Variants in S100A5 observed in about 807,000 individuals in gnomAD.
The protein encoded by S100A5 is protein S100-A5.
In S100A5, 5 loss-of-function variants were observed where a neutral mutation model predicts 6.7. That is an observed-to-expected ratio of 0.75 (90% CI 0.39 to 1.57). The LOEUF (loss-of-function observed/expected upper bound fraction) is 1.57. Ranked by LOEUF, S100A5 falls within the 40% of genes most tolerant of loss-of-function variation. The probability of loss-of-function intolerance (pLI) is 0.03; values close to 1 mark genes in which losing one functional copy is unlikely to be tolerated. For synonymous variants in S100A5, 49 were observed against 44.9 expected (o/e 1.09, Z -0.37); for missense variants, 129 against 110.8 (o/e 1.16, Z -0.74).
chr1:153,541,510 G>C, upstream of S100A5: 4 of 1,353,158 alleles, frequency 3.0e-6, no homozygotes, highest in Non-Finnish European at 3.9e-6. Flanking sequence ...ATGAGAAGTT[G>C]TTGGGGACTT....
upstream of S100A5, chr1:153,541,988 C>T (rs1665404932): frequency 1.4e-6 from 1 of 725,232 alleles, no homozygotes; most frequent in Non-Finnish European, 1.7e-6. Context: ...GGCCTCACTG[C>T]TCTTCACAGG....
intron 1 of S100A5, 114 bp from the exon 2 acceptor site, chr1:153,540,319 G>T: frequency 9.4e-7 from 1 of 1,059,854 alleles, no homozygotes; most frequent in Non-Finnish European, 1.4e-6. Context: ...GGATGAGACT[G>T]AAATCCACTA....
Position 153,540,172 on chromosome 1 carries a change from T to C in S100A5, c.20A>G (p.Lys7Arg). 1 of 1,614,154 alleles carries C rather than the reference T, an allele frequency of 6.2e-7. No individual in the cohort carries two copies. Among genetic ancestry groups the C allele is most frequent in the Non-Finnish European group, 8.5e-7 (1 of 1,180,022 alleles). ...CGTGGTCACCATAGTGGTCAGGGCC[T>C]TCTCCAGAGGAGTCTCCATCACAGT... is the stretch of plus-strand genomic sequence containing the variant. METPLEKALTTMVTTFH... is the reference protein window; with the variant it reads METPLERALTTMVTTFH... The change falls in exon 2 of 3, where the codon AAG becomes AGG. Residue 7 changes from lysine to arginine, a missense_variant. Coordinates refer to ENST00000368717, the MANE Select transcript of S100A5 (RefSeq NM_001394232.1).
upstream of S100A5, chr1:153,541,399 G>A (rs1665383293): frequency 7.3e-7 from 1 of 1,367,726 alleles, no homozygotes; most frequent in Non-Finnish European, 9.8e-7. Context: ...GTGGGAGTGA[G>A]CCCAGAGAAT....
upstream of S100A5, chr1:153,541,710 T>C: frequency 8.7e-7 from 1 of 1,145,672 alleles, no homozygotes; most frequent in Non-Finnish European, 1.1e-6. Context: ...GATGGAACAA[T>C]AAGCCGAAGA....
intron 1 of S100A5, among the ~76,000 whole-genome samples, 179 bp downstream of exon 1, chr1:153,540,442 C>T (rs1665349229): frequency 6.6e-6 from 1 of 152,192 alleles, no homozygotes; most frequent in Admixed American, 6.5e-5. Flanking sequence ...GACTCTCCTG[C>T]TGGGGAGTTG....
chr1:153,537,265 G>A lies in S100A5; in HGVS notation c.*31C>T. The A allele has an allele frequency of 1.9e-6, 3 of 1,603,606 alleles. No individual in the cohort carries two copies. The highest frequency in any genetic ancestry group is 2.6e-6 in the Non-Finnish European group (3 of 1,171,662). On this transcript the variant is annotated 3_prime_UTR_variant, in exon 3 of 3. Coordinates refer to ENST00000368717, the MANE Select transcript of S100A5 (RefSeq NM_001394232.1). ...GGAGCAGCCGAGGTCAGCAGCAAAG[G>A]GTGGAGGGTGAGGGTGGAGGGCAGC...
At chr1:153,540,370 C>A (rs1163750093) in intron 1 of S100A5, among the ~76,000 whole-genome samples, 165 bp from the exon 2 acceptor site, 1 of 152,168 alleles carries the variant, frequency 6.6e-6, no homozygotes, top group African/African-American at 2.4e-5. Context: ...TACAATGAGA[C>A]CCACAACAAA....
In S100A5 at chr1:153,540,133, G is replaced by A. The variant is rs532923942; in HGVS notation, c.59C>T (p.Ser20Leu). 32 of 1,614,092 alleles carry A rather than the reference G, an allele frequency of 2.0e-5. No individual in the cohort carries two copies. In the Admixed American group the frequency reaches 2.2e-4, roughly 11 times the overall value. Residue 20 changes from serine to leucine, a missense_variant, in exon 2 of 3, where the codon TCG (serine) becomes TTG (leucine). Transcript: ENST00000368717. ...TTMVTTFHKY[S>L]GREGSKLTLS... ...GGTCAGTTTGCTACCCTCTCTCCCC[G>A]AATATTTGTGAAACGTGGTCACCAT...
chr1:153,543,634 A>T, upstream of S100A5: 4 of 973,714 alleles, frequency 4.1e-6, no homozygotes, highest in South Asian at 6.4e-5. Context: ...ACTTCCAAGA[A>T]TCTTTATTGA....
chr1:153,537,993 GTA>G (rs2101682142), intron 2 of S100A5, among the ~76,000 whole-genome samples: 1 of 151,874 alleles, frequency 6.6e-6, no homozygotes, highest in East Asian at 1.9e-4. Context: ...GTTGCAGTAA[GTA>G]AGATCATGCC....
upstream of S100A5, chr1:153,541,265 C>G: frequency 1.4e-6 from 1 of 719,824 alleles, no homozygotes; most frequent in South Asian, 1.4e-5. Flanking sequence ...TCTCCCTGAG[C>G]GCATGCCCGC....
At chr1:153,541,120 A>G (rs1665370678), upstream of S100A5, among the ~76,000 whole-genome samples, 1 of 152,050 alleles carries the variant, frequency 6.6e-6, no homozygotes, top group African/African-American at 2.4e-5. Flanking sequence ...AGCCTCTCCC[A>G]CCTCAAGGAG....
chr1:153,538,940 G>A (rs1305023959), intron 2 of S100A5, among the ~76,000 whole-genome samples: 1 of 152,048 alleles, frequency 6.6e-6, no homozygotes, highest in African/African-American at 2.4e-5. Context: ...AACAGCCTGG[G>A]TAAAATAGTG....
upstream of S100A5, among the ~76,000 whole-genome samples, chr1:153,542,882 C>T (rs1403408001): frequency 6.6e-6 from 1 of 152,208 alleles, no homozygotes; most frequent in Non-Finnish European, 1.5e-5. Flanking sequence ...ACTCCAGCCA[C>T]TGACCCCCAC....
upstream of S100A5, among the ~76,000 whole-genome samples, chr1:153,542,814 A>G (rs1340112437): frequency 6.6e-6 from 1 of 152,032 alleles, no homozygotes; most frequent in Non-Finnish European, 1.5e-5. Context: ...GTCAGATCAT[A>G]TATGTGGAAT....
At chr1:153,538,149 G>A (rs953997462) in intron 2 of S100A5, among the ~76,000 whole-genome samples, 6 of 152,102 alleles carry the variant, frequency 3.9e-5, no homozygotes, top group African/African-American at 9.7e-5. Context: ...GAATAACCCC[G>A]GACAAAATGT....
upstream of S100A5, among the ~76,000 whole-genome samples, chr1:153,541,040 C>T (rs1665368756): frequency 6.6e-6 from 1 of 152,176 alleles, no homozygotes; most frequent in African/African-American, 2.4e-5. Context: ...AGAGTCTTCA[C>T]CTCCAGCCCA....
chr1:153,538,444 A>G (rs1265691337), intron 2 of S100A5, among the ~76,000 whole-genome samples: 1 of 152,000 alleles, frequency 6.6e-6, no homozygotes, highest in African/African-American at 2.4e-5. Context: ...CTGTCACGTG[A>G]TCCTAGTCCC....
Sources: allele counts gnomAD v4.1 joint callset (sites outside exome capture counted in the v4.1 genomes callset), GRCh38; gene constraint gnomAD v4.1.1; transcripts MANE v1.5; gene names NCBI Gene and HGNC (gene_info 2026-07-23, HGNC 2026-07-21).